CHIC2: variants seen among roughly 807,000 people sequenced by gnomAD.
The protein encoded by CHIC2 is cysteine-rich hydrophobic domain-containing protein 2.
A neutral mutation model predicts 25.9 loss-of-function variants in CHIC2; 14 were observed. That is an observed-to-expected ratio of 0.54 (90% CI 0.36 to 0.85). The LOEUF (loss-of-function observed/expected upper bound fraction) is 0.85. CHIC2 is among the 40% of genes least tolerant of loss of function. The pLI is 0.01. For missense variants in CHIC2, 146 were observed against 202.0 expected, an observed-to-expected ratio of 0.72 and a Z score of 1.68; for synonymous variants, 70 against 72.0, an observed-to-expected ratio of 0.97 and a Z score of 0.14.
intron 5 of CHIC2, 39 bp downstream of exon 5, chr4:54,013,798 A>G (rs1279703972): frequency 1.3e-6 from 2 of 1,585,580 alleles, no homozygotes; most frequent in East Asian, 4.5e-5. Flanking sequence ...ATAAATGATC[A>G]TTTAATAGAG....
At chr4:54,034,591 T>C (rs550062210) in intron 3 of CHIC2, among the ~76,000 whole-genome samples, 11 of 152,314 alleles carry the variant, frequency 7.2e-5, no homozygotes, top group South Asian at 2.1e-4. Context: ...TCATTTTAAT[T>C]TTTTATTTTT....
chr4:54,086,166 C>T, the CHIC2 span, among the ~76,000 whole-genome samples: 2 of 151,878 alleles, frequency 1.3e-5, no homozygotes, highest in African/African-American at 2.4e-5. Flanking sequence ...AGCATGTAAA[C>T]AAGATAGCTT....
the CHIC2 span, among the ~76,000 whole-genome samples, chr4:54,085,345 GC>G: frequency 6.6e-6 from 1 of 152,144 alleles, no homozygotes; most frequent in East Asian, 1.9e-4. Context: ...GTAGGGGGAT[GC>G]CAATTATTAC....
At chr4:54,028,417 T>G (rs557871670) in intron 3 of CHIC2, among the ~76,000 whole-genome samples, 338 of 152,316 alleles carry the variant, frequency 2.2e-3, no homozygotes, top group South Asian at 5.4e-3. Context: ...AACTGGGAGA[T>G]CTCAAATAGG....
chr4:54,075,400 C>T, the CHIC2 span, among the ~76,000 whole-genome samples: 2 of 152,118 alleles, frequency 1.3e-5, no homozygotes, highest in Non-Finnish European at 2.9e-5. Flanking sequence ...TTTAAGTGAA[C>T]GTCTTCAGAA....
the CHIC2 span, among the ~76,000 whole-genome samples, chr4:54,088,453 A>G: frequency 6.6e-6 from 1 of 152,242 alleles, no homozygotes; most frequent in East Asian, 1.9e-4. Context: ...AGCAAAAAAG[A>G]AAAAAGACAG....
chr4:54,076,430 A>C, the CHIC2 span, among the ~76,000 whole-genome samples: 16 of 152,214 alleles, frequency 1.1e-4, no homozygotes, highest in Admixed American at 2.6e-4. Context: ...AAGATAAATA[A>C]GAAGGAAAAA....
chr4:54,051,475 G>A (rs1272711998), intron 1 of CHIC2, among the ~76,000 whole-genome samples: 3 of 151,754 alleles, frequency 2.0e-5, no homozygotes, highest in Admixed American at 6.6e-5. Context: ...TCCATGCTCC[G>A]TAGTTGTTGT....
chr4:54,071,522 G>C, the CHIC2 span, among the ~76,000 whole-genome samples: 2 of 152,210 alleles, frequency 1.3e-5, no homozygotes, highest in African/African-American at 4.8e-5. Flanking sequence ...CTAGGAAGTG[G>C]TAGAGCCAGA....
At chr4:54,078,618 C>T in the CHIC2 span, among the ~76,000 whole-genome samples, 1 of 151,986 alleles carries the variant, frequency 6.6e-6, no homozygotes, top group Non-Finnish European at 1.5e-5. Flanking sequence ...TGGGTTCAAG[C>T]GATTATCTGG....
At chr4:54,043,355 A>C (rs1716651678) in intron 3 of CHIC2, among the ~76,000 whole-genome samples, 1 of 148,618 alleles carries the variant, frequency 6.7e-6, no homozygotes, top group African/African-American at 2.5e-5. Context: ...CGGGAGGTGG[A>C]GCTTGCAGTG....
At chr4:54,060,875 G>C (rs547674354) in intron 1 of CHIC2, 236 of 152,228 alleles carry the variant, frequency 1.6e-3, no homozygotes, top group African/African-American at 5.4e-3. Context: ...AATGGTGACT[G>C]TAAGCCTTTT....
chr4:54,010,473 C>A (rs549978707), intron 5 of CHIC2, among the ~76,000 whole-genome samples: 1 of 152,184 alleles, frequency 6.6e-6, no homozygotes, highest in East Asian at 1.9e-4. Context: ...CATGCACGCT[C>A]CCCTGCACTC....
chr4:54,066,457 C>G (rs1260753460), upstream of CHIC2, among the ~76,000 whole-genome samples: 1 of 152,044 alleles, frequency 6.6e-6, no homozygotes, highest in Non-Finnish European at 1.5e-5. Context: ...CCCCAAGAAC[C>G]TGTGAGGTAA....
intron 3 of CHIC2, among the ~76,000 whole-genome samples, chr4:54,032,726 C>T (rs1379945009): frequency 2.0e-5 from 3 of 152,154 alleles, no homozygotes; most frequent in African/African-American, 7.2e-5. Flanking sequence ...CATAGAAATG[C>T]ATTTAAGGAA....
At chr4:54,060,203 T>G (rs1717289615) in intron 1 of CHIC2, 1 of 149,938 alleles carries the variant, frequency 6.7e-6, no homozygotes, top group Non-Finnish European at 1.5e-5. Context: ...AAAAGTCATA[T>G]TCCATCCCAG....
chr4:54,049,795 A>T (rs1429913908), intron 1 of CHIC2, among the ~76,000 whole-genome samples: 1 of 152,148 alleles, frequency 6.6e-6, no homozygotes, highest in Non-Finnish European at 1.5e-5. Context: ...GAGAAAAAAT[A>T]AAAAAGTAGG....
chr4:54,090,247 T>C, the CHIC2 span, among the ~76,000 whole-genome samples: 1 of 152,166 alleles, frequency 6.6e-6, no homozygotes, highest in South Asian at 2.1e-4. Flanking sequence ...AGTGCAGTGG[T>C]GCAATCTCGG....
intron 3 of CHIC2, among the ~76,000 whole-genome samples, chr4:54,045,167 A>G (rs1331506103): frequency 6.6e-6 from 1 of 152,192 alleles, no homozygotes; most frequent in Admixed American, 6.5e-5. Context: ...GTAGCTTACC[A>G]ATCAAAAAAA....
Sources: allele counts gnomAD v4.1 joint callset (sites outside exome capture counted in the v4.1 genomes callset), GRCh38; gene constraint gnomAD v4.1.1; transcripts MANE v1.5; gene names NCBI Gene and HGNC (gene_info 2026-07-23, HGNC 2026-07-21).